The following NT5C1A variants were observed in gnomAD, a reference collection of about 807,000 sequenced individuals.
The protein encoded by NT5C1A is cytosolic 5'-nucleotidase 1A.
Under a neutral mutation model 31.0 loss-of-function variants are expected in NT5C1A, and 18 were observed. That is an observed-to-expected ratio of 0.58 (90% CI 0.40 to 0.86). The LOEUF is 0.86. Ranked by LOEUF, NT5C1A falls within the 40% of genes least tolerant of loss-of-function variation. The probability of loss-of-function intolerance (pLI) is 0.00; values close to 1 mark genes in which losing one functional copy is unlikely to be tolerated. For synonymous variants in NT5C1A, 185 were observed against 203.6 expected, an observed-to-expected ratio of 0.91 and a Z score of 0.78; for missense variants, 470 against 505.4, an observed-to-expected ratio of 0.93 and a Z score of 0.67.
chr1:39,670,521 G>A (rs1449128876), intron 1 of NT5C1A, among the ~76,000 whole-genome samples: 1 of 152,194 alleles, frequency 6.6e-6, no homozygotes, highest in East Asian at 1.9e-4. Flanking sequence ...ATAGTCCGAA[G>A]AAGAAAGAAA....
At chr1:39,665,689 G>A (rs1449058519) in intron 2 of NT5C1A, 39 bp from the exon 3 acceptor site, 2 of 1,600,498 alleles carry the variant, frequency 1.2e-6, no homozygotes, top group Admixed American at 1.7e-5. Context: ...AGACCCCCAA[G>A]GATTGATACC....
In NT5C1A at chr1:39,656,835, G is replaced by A. The variant is rs1646461155; in HGVS notation, c.*2286C>T. Among the ~76,000 whole-genome samples the A allele has an allele frequency of 6.6e-6, 1 of 152,256 alleles. No homozygotes were observed. ...TTCCACGGGGGTGATTCTGACCCCTGGGAGTGAGAAGGAGAGGGCCTTTCT... is the reference window on the plus strand; with the variant it reads ...TTCCACGGGGGTGATTCTGACCCCTAGGAGTGAGAAGGAGAGGGCCTTTCT... On this transcript the variant is annotated 3_prime_UTR_variant, in exon 6 of 6. Coordinates refer to ENST00000235628, the MANE Select transcript of NT5C1A (RefSeq NM_032526.3).
At chr1:39,660,673 C>T (rs1257231793) in intron 5 of NT5C1A, among the ~76,000 whole-genome samples, 1 of 151,910 alleles carries the variant, frequency 6.6e-6, no homozygotes, top group Non-Finnish European at 1.5e-5. Flanking sequence ...GTGAGGGTTC[C>T]AGAGAGAGAA....
intron 1 of NT5C1A, among the ~76,000 whole-genome samples, chr1:39,668,781 G>C (rs925922819): frequency 1.3e-5 from 2 of 152,208 alleles, no homozygotes; most frequent in African/African-American, 4.8e-5. Context: ...GCAGGTCTCT[G>C]TTTCCCAGCA....
chr1:39,659,362 C>A lies in NT5C1A; in HGVS notation c.866G>T (p.Gly289Val), dbSNP rs778374673. ...LVTARSAASS[G>V]ARALKTLRSW... The stretch of plus-strand genomic sequence containing the variant: ...GCGCAGGGTCTTGAGAGCCCGGGCC[C>A]CGGAACTGGCTGCACTGCGTGCTGT... Residue 289 changes from glycine (G) to valine (V), a missense_variant, in exon 6 of 6, where the codon GGG (glycine) becomes GTG (valine). Gly to Val is a moderately radical substitution (Grantham distance 109, BLOSUM62 -3). Coordinates refer to ENST00000235628, the MANE Select transcript of NT5C1A (RefSeq NM_032526.3). The A allele has an allele frequency of 6.2e-7, 1 of 1,613,864 alleles. No individual in the cohort carries two copies. The highest frequency in any genetic ancestry group is 1.1e-5 in the South Asian group (1 of 91,086).
chr1:39,656,084 T>C lies in NT5C1A; in HGVS notation c.*3037A>G, dbSNP rs1404985223. On this transcript the variant is annotated 3_prime_UTR_variant, in exon 6 of 6. Transcript: ENST00000235628. ...TCAGTGCTTAGTAACAGGGCTTCCATTTTTCTGCTAAGCAGCAGTCCCATT... is the reference window on the plus strand; with the variant it reads ...TCAGTGCTTAGTAACAGGGCTTCCACTTTTCTGCTAAGCAGCAGTCCCATT... Among the ~76,000 whole-genome samples the C allele has an allele frequency of 6.6e-6, 1 of 152,198 alleles. No individual in the cohort carries two copies. The highest frequency in any genetic ancestry group is 2.4e-5 in the African/African-American group (1 of 41,450).
chr1:39,666,606 G>T (rs1478025990), intron 1 of NT5C1A, among the ~76,000 whole-genome samples: 2 of 152,112 alleles, frequency 1.3e-5, no homozygotes, highest in Non-Finnish European at 2.9e-5. Context: ...AATAAGAGCT[G>T]CATGCCCTTA....
Position 39,651,899 on chromosome 1 carries a change from C to G in NT5C1A, c.*7222G>C, listed in dbSNP as rs968408224. Among the ~76,000 whole-genome samples, 1 of 151,304 alleles carries G rather than the reference C, an allele frequency of 6.6e-6. No individual in the cohort carries two copies. Among genetic ancestry groups the G allele is most frequent in the Non-Finnish European group, 1.5e-5 (1 of 67,812 alleles). On this transcript the variant is annotated 3_prime_UTR_variant, in exon 6 of 6. Transcript: ENST00000235628. ...ACAAAAAATTAGCTGGGCATGGTGG[C>G]GGGCACCTGTAATCCCAGCTACTCA...
chr1:39,671,873 C>T (rs773102358), intron 1 of NT5C1A, 31 bp downstream of exon 1: 2 of 1,611,436 alleles, frequency 1.2e-6, no homozygotes, highest in East Asian at 2.2e-5. Context: ...ACCCTTCCCC[C>T]GTCCCCCGCA....
At chr1:39,666,563 G>A (rs1009759802) in intron 1 of NT5C1A, among the ~76,000 whole-genome samples, 1 of 152,226 alleles carries the variant, frequency 6.6e-6, no homozygotes, top group African/African-American at 2.4e-5. Context: ...TGTGACTGAT[G>A]CTGGAGATGA....
intron 3 of NT5C1A, among the ~76,000 whole-genome samples, chr1:39,664,438 G>T (rs1053767371): frequency 7.4e-6 from 1 of 135,268 alleles, no homozygotes; most frequent in Non-Finnish European, 1.6e-5. Context: ...GAGCCACCGT[G>T]CCTGGCCAGG....
intron 1 of NT5C1A, among the ~76,000 whole-genome samples, chr1:39,667,283 C>G (rs754757103): frequency 6.6e-6 from 1 of 151,058 alleles, no homozygotes; most frequent in Non-Finnish European, 1.5e-5. Flanking sequence ...CTCACTGCAA[C>G]CTCCACCTCT....
rs1646474939 is a variant in NT5C1A at position 39,658,702 on chromosome 1, G to A, written c.*419C>T. ...GGAAACTGGGGGCCATGAAGGGGAG[G>A]GATTACTCAAAGTCATGCAGTTAAT... On this transcript the variant is annotated 3_prime_UTR_variant, in exon 6 of 6. Coordinates refer to ENST00000235628, the MANE Select transcript of NT5C1A (RefSeq NM_032526.3). 6.6e-6 allele frequency among the ~76,000 whole-genome samples: 1 copy of A among 152,060 alleles called. No homozygotes were observed. The highest frequency in any genetic ancestry group is 2.4e-5 in the African/African-American group (1 of 41,408).
chr1:39,655,288 G>A lies in NT5C1A; in HGVS notation c.*3833C>T, dbSNP rs763522535. ...ACAGGTGATGGGTCAGATTTGGCCCGTGGGCCCAGAGTTTGCCAAACTCTG... is the reference window on the plus strand; with the variant it reads ...ACAGGTGATGGGTCAGATTTGGCCCATGGGCCCAGAGTTTGCCAAACTCTG... On this transcript the variant is annotated 3_prime_UTR_variant, in exon 6 of 6. Coordinates refer to ENST00000235628, the MANE Select transcript of NT5C1A (RefSeq NM_032526.3). Among the ~76,000 whole-genome samples, 10 of 152,172 alleles carry A rather than the reference G, an allele frequency of 6.6e-5. No individual in the cohort carries two copies. The highest frequency in any genetic ancestry group is 2.1e-4 in the South Asian group (1 of 4,826).
intron 3 of NT5C1A, among the ~76,000 whole-genome samples, 184 bp downstream of exon 3, chr1:39,665,337 C>T (rs1383025787): frequency 6.6e-6 from 1 of 152,182 alleles, no homozygotes; most frequent in African/African-American, 2.4e-5. Flanking sequence ...TATTTTACAC[C>T]TGAAAACTAG....
chr1:39,671,370 T>G (rs146673564), intron 1 of NT5C1A, among the ~76,000 whole-genome samples: 1 of 152,150 alleles, frequency 6.6e-6, no homozygotes, highest in Non-Finnish European at 1.5e-5. Context: ...AGAGTGTGGA[T>G]CCCAGTGCCT....
In NT5C1A at chr1:39,653,695, C is replaced by T. The variant is rs914558083; in HGVS notation, c.*5426G>A. On this transcript the variant is annotated 3_prime_UTR_variant, in exon 6 of 6. Coordinates refer to ENST00000235628, the MANE Select transcript of NT5C1A (RefSeq NM_032526.3). ...TTGACTACTGCCAGCAGCTGCGTGC[C>T]GGCCTGCAGTGCCACCTACTGGCAG... 2.6e-5 allele frequency among the ~76,000 whole-genome samples: 4 copies of T among 152,148 alleles called. No individual in the cohort carries two copies. Among genetic ancestry groups the T allele is most frequent in the African/African-American group, 7.2e-5 (3 of 41,420 alleles).
At position 39,653,620 on chromosome 1, in the gene NT5C1A, C is replaced by G. The variant is rs189205519; in HGVS notation, c.*5501G>C. 1.3e-5 allele frequency among the ~76,000 whole-genome samples: 2 copies of G among 152,136 alleles called. No individual in the cohort carries two copies. Among genetic ancestry groups the G allele is most frequent in the Non-Finnish European group, 2.9e-5 (2 of 68,030 alleles). ...AGAGCTAACCGTGGGGAGAGTCCAG[C>G]GCAGCACTAAGTCAGTGGGAGAGAA... On this transcript the variant is annotated 3_prime_UTR_variant, in exon 6 of 6. Transcript: ENST00000235628.
Position 39,663,352 on chromosome 1 carries a change from CAA to C in NT5C1A, c.514_515del (p.Leu172ValfsTer12). ...YLKAYHTNLY[L>X]SADAEKVREA... ...CTCGCACTTTTTCCGCATCGGCTGA[CAA>C]GTAGAGGTTGGTGTGATAGGCCTTG... On this transcript the variant is annotated frameshift_variant, in exon 4 of 6. Coordinates refer to ENST00000235628, the MANE Select transcript of NT5C1A (RefSeq NM_032526.3). LOFTEE classifies it high-confidence loss of function. The C allele has an allele frequency of 3.7e-6, 6 of 1,614,136 alleles. No individual in the cohort carries two copies. The highest frequency in any genetic ancestry group is 2.5e-6 in the Non-Finnish European group (3 of 1,180,022).
Sources: allele counts gnomAD v4.1 joint callset (sites outside exome capture counted in the v4.1 genomes callset), GRCh38; gene constraint gnomAD v4.1.1; transcripts MANE v1.5; gene names NCBI Gene and HGNC (gene_info 2026-07-23, HGNC 2026-07-21).